Variants in SCRG1 observed in about 807,000 individuals in gnomAD.
SCRG1 encodes stimulator of chondrogenesis 1.
A neutral mutation model predicts 7.7 loss-of-function variants in SCRG1; 3 were observed. The observed-to-expected ratio is 0.39, with a 90% CI of 0.18 to 1.01. SCRG1 has a LOEUF of 1.01. Among genes scored for constraint, SCRG1 ranks in the 50% least tolerant of loss-of-function variants. SCRG1 has a pLI of 0.36. For missense variants in SCRG1, 110 were observed against 117.2 expected (o/e 0.94, Z 0.28); for synonymous variants, 46 against 41.2 (o/e 1.12, Z -0.44).
chr4:173,432,277 T>G, the SCRG1 span, among the ~76,000 whole-genome samples: 2 of 145,824 alleles, frequency 1.4e-5, no homozygotes, highest in Non-Finnish European at 1.5e-5. Flanking sequence ...TTCCCTTTCT[T>G]TCTTCCTTCC....
At chr4:173,397,885 C>T (rs559910921) in intron 1 of SCRG1, among the ~76,000 whole-genome samples, 9 of 152,192 alleles carry the variant, frequency 5.9e-5, no homozygotes, top group Non-Finnish European at 7.3e-5. Flanking sequence ...TTTCGGATTG[C>T]TTTCAAAAAA....
the SCRG1 span, among the ~76,000 whole-genome samples, chr4:173,518,034 G>A: frequency 6.6e-5 from 10 of 152,272 alleles, no homozygotes; most frequent in Non-Finnish European, 1.2e-4. Context: ...ACCCCGAAGG[G>A]CTGTGGGAGG....
At chr4:173,435,197 A>C in the SCRG1 span, among the ~76,000 whole-genome samples, 3 of 152,086 alleles carry the variant, frequency 2.0e-5, no homozygotes, top group South Asian at 6.2e-4. Flanking sequence ...CACCACTTAA[A>C]GTATGAGGAG....
chr4:173,431,006 T>C, the SCRG1 span, among the ~76,000 whole-genome samples: 8 of 152,214 alleles, frequency 5.3e-5, no homozygotes, highest in African/African-American at 1.9e-4. Flanking sequence ...CTTCCTAAAC[T>C]ACCTAGTGGG....
At chr4:173,512,641 C>CATCCCAGAGAGCAGA in the SCRG1 span, among the ~76,000 whole-genome samples, 92 of 152,354 alleles carry the variant, frequency 6.0e-4, no homozygotes, top group African/African-American at 2.0e-3. Flanking sequence ...AGTCACAGAG[C>CATCCCAGAGAGCAGA]ATCCCAGAGA....
the SCRG1 span, among the ~76,000 whole-genome samples, chr4:173,518,575 G>C: frequency 6.6e-6 from 1 of 152,010 alleles, no homozygotes. Flanking sequence ...TACAGCCTTC[G>C]GGCTTGGGCC....
the SCRG1 span, among the ~76,000 whole-genome samples, chr4:173,484,415 A>T: frequency 2.7e-4 from 19 of 71,402 alleles, no homozygotes; most frequent in African/African-American, 1.1e-3. Context: ...TATACATATA[A>T]TATATATTAT....
upstream of SCRG1, among the ~76,000 whole-genome samples, chr4:173,408,861 C>T (rs1273899841): frequency 2.6e-5 from 4 of 151,742 alleles, no homozygotes; most frequent in Non-Finnish European, 4.4e-5. Flanking sequence ...GATGTGGTGG[C>T]GGGCGCCTGT....
chr4:173,487,105 G>C, the SCRG1 span, among the ~76,000 whole-genome samples: 2 of 152,206 alleles, frequency 1.3e-5, no homozygotes, highest in African/African-American at 4.8e-5. Flanking sequence ...GTATGGGGTG[G>C]AGCCTGCCTG....
At chr4:173,511,742 G>C in the SCRG1 span, among the ~76,000 whole-genome samples, 36 of 152,134 alleles carry the variant, frequency 2.4e-4, no homozygotes, top group African/African-American at 8.7e-4. The surrounding 1 kb of genome is among the most constrained non-coding windows in gnomAD (Gnocchi z 5.2). Context: ...GTATTCCTGA[G>C]TGTGTATATA....
chr4:173,445,727 G>A, the SCRG1 span, among the ~76,000 whole-genome samples: 20 of 149,966 alleles, frequency 1.3e-4, no homozygotes, highest in Middle Eastern at 3.5e-3. Context: ...GTGCAGTGGC[G>A]GGATCTCGGC....
chr4:173,496,687 G>A, the SCRG1 span, among the ~76,000 whole-genome samples: 3 of 152,318 alleles, frequency 2.0e-5, no homozygotes, highest in Middle Eastern at 3.4e-3. Context: ...ACTGTGCAAA[G>A]CATTTTAGTA....
At chr4:173,409,536 A>C (rs1242454807), upstream of SCRG1, among the ~76,000 whole-genome samples, 1 of 151,716 alleles carries the variant, frequency 6.6e-6, no homozygotes, top group East Asian at 1.9e-4. Flanking sequence ...AGAAGCAGCA[A>C]GATAGACTAA....
At chr4:173,416,911 A>AACACACACACACACAC in the SCRG1 span, among the ~76,000 whole-genome samples, 7 of 125,238 alleles carry the variant, frequency 5.6e-5, no homozygotes, top group African/African-American at 1.6e-4. Context: ...CACACACCCA[A>AACACACACACACACAC]ACACACACAC....
chr4:173,415,512 G>A, the SCRG1 span, among the ~76,000 whole-genome samples: 286 of 152,272 alleles, frequency 1.9e-3, 1 homozygote, highest in African/African-American at 6.6e-3. Context: ...CAGTCTCTGT[G>A]CTGATGCTGA....
At chr4:173,462,653 C>G in the SCRG1 span, among the ~76,000 whole-genome samples, 1 of 152,198 alleles carries the variant, frequency 6.6e-6, no homozygotes, top group Middle Eastern at 3.4e-3. Flanking sequence ...CAGAAAAACA[C>G]AGAATATTAT....
At chr4:173,476,036 C>G in the SCRG1 span, among the ~76,000 whole-genome samples, 1 of 151,962 alleles carries the variant, frequency 6.6e-6, no homozygotes, top group Non-Finnish European at 1.5e-5. Context: ...TGTGAATGTA[C>G]TTAATGCCAT....
At chr4:173,499,406 A>G in the SCRG1 span, among the ~76,000 whole-genome samples, 1 of 152,232 alleles carries the variant, frequency 6.6e-6, no homozygotes, top group African/African-American at 2.4e-5. This position sits in a 1 kb window ranked among gnomAD's most constrained non-coding sequence, Gnocchi z 4.1. Flanking sequence ...AAACTGGGAT[A>G]GTGGTTTAGA....
At chr4:173,469,604 T>C in the SCRG1 span, 1 of 152,212 alleles carries the variant, frequency 6.6e-6, no homozygotes, top group Non-Finnish European at 1.5e-5. Flanking sequence ...TATTTTTCAA[T>C]GTGAGCTGCT....
Sources: allele counts gnomAD v4.1 joint callset (sites outside exome capture counted in the v4.1 genomes callset), GRCh38; gene constraint gnomAD v4.1.1; non-coding constraint Gnocchi (gnomAD v3.1); transcripts MANE v1.5; gene names NCBI Gene and HGNC (gene_info 2026-07-23, HGNC 2026-07-21).